CYRIB: variants seen among roughly 807,000 people sequenced by gnomAD.
CYRIB encodes CYFIP-related Rac1 interactor B.
In CYRIB, 8 loss-of-function variants were observed where a neutral mutation model predicts 44.2. That is an observed-to-expected ratio of 0.18 (90% CI 0.11 to 0.33). The LOEUF is 0.33. CYRIB is among the 10% of genes least tolerant of loss of function. The pLI is 1.00. For synonymous variants in CYRIB, 131 were observed against 127.2 expected (o/e 1.03, Z -0.20); for missense variants, 185 against 382.8 (o/e 0.48, Z 4.31).
chr8:129,979,028 C>A (rs370221159), intron 1 of CYRIB, among the ~76,000 whole-genome samples: 10 of 152,170 alleles, frequency 6.6e-5, no homozygotes, highest in African/African-American at 2.4e-4. Flanking sequence ...GTAATCCCAG[C>A]TACTCAGGAG....
chr8:129,854,287 A>T, exon 7 of CYRIB: 1 of 1,611,120 alleles, frequency 6.2e-7, no homozygotes, highest in South Asian at 1.1e-5. Context: ...TAATCCTCAT[A>T]CGACTCAATG....
intron 1 of CYRIB, among the ~76,000 whole-genome samples, chr8:129,910,690 T>A (rs748780419): frequency 3.0e-4 from 46 of 152,226 alleles, no homozygotes; most frequent in South Asian, 2.1e-3. Context: ...CTCAGCTACA[T>A]GTGTGGCTGA....
At chr8:129,929,221 C>T (rs2138055037) in intron 1 of CYRIB, among the ~76,000 whole-genome samples, 1 of 151,702 alleles carries the variant, frequency 6.6e-6, no homozygotes, top group East Asian at 1.9e-4. Context: ...AAAGAATAAT[C>T]AAGCAAAAGT....
At chr8:129,915,143 C>T (rs1336900826) in intron 1 of CYRIB, among the ~76,000 whole-genome samples, 1 of 152,194 alleles carries the variant, frequency 6.6e-6, no homozygotes, top group Admixed American at 6.5e-5. Flanking sequence ...TCTACGTATT[C>T]ATCCAAGAAA....
chr8:129,846,793 C>A lies in CYRIB; in HGVS notation c.911+11G>T, dbSNP rs1409142884. 6.3e-7 allele frequency: 1 copy of A among 1,581,598 alleles called. No homozygotes were observed. The highest frequency in any genetic ancestry group is 8.6e-7 in the Non-Finnish European group (1 of 1,167,960). On this transcript the variant is annotated intron_variant, in intron 11 of 11. Coordinates refer to ENST00000519824, the Ensembl canonical transcript of CYRIB. ...TTTTTTCTGTACATACGTACACGTACATATACACACCTGAGAGCATTTAGA... is the reference window on the plus strand; with the variant it reads ...TTTTTTCTGTACATACGTACACGTAAATATACACACCTGAGAGCATTTAGA...
At chr8:129,943,651 T>C (rs1281499269), upstream of CYRIB, among the ~76,000 whole-genome samples, 19 of 110,884 alleles carry the variant, frequency 1.7e-4, no homozygotes, top group Middle Eastern at 0.019. Flanking sequence ...CAGGCGGGAG[T>C]GCAGTGGCGC....
chr8:129,972,546 G>T (rs1211453351), intron 1 of CYRIB, among the ~76,000 whole-genome samples: 4 of 152,096 alleles, frequency 2.6e-5, no homozygotes, highest in African/African-American at 9.7e-5. Context: ...CTGTGCTCCA[G>T]CCTGGGTGAC....
intron 1 of CYRIB, among the ~76,000 whole-genome samples, chr8:130,009,818 G>A (rs1015717282): frequency 2.6e-5 from 4 of 152,200 alleles, no homozygotes; most frequent in African/African-American, 9.7e-5. Context: ...TTCTGGTTCT[G>A]CAGTGGGATG....
intron 1 of CYRIB, among the ~76,000 whole-genome samples, chr8:129,971,276 A>C (rs1219477089): frequency 1.3e-5 from 2 of 152,106 alleles, no homozygotes; most frequent in Non-Finnish European, 2.9e-5. Context: ...TATTTTTAGT[A>C]GAGACAGGGT....
rs550951825 is a variant in CYRIB, at chr8:129,911,946, G to A, written c.-49-8596C>T. ...CTGTAAAATGCATTTTTGATGGCAG[G>A]TGCTGCAATCGTGCTAACCTAAAGA... On this transcript the variant is annotated intron_variant, in intron 1 of 11. Transcript: ENST00000519824. 1.2e-4 allele frequency among the ~76,000 whole-genome samples: 19 copies of A among 152,226 alleles called. No individual in the cohort carries two copies. In the East Asian group the frequency reaches 2.1e-3, roughly 17 times the overall value.
At chr8:129,930,196 G>T (rs1381698148) in intron 1 of CYRIB, among the ~76,000 whole-genome samples, 1 of 151,174 alleles carries the variant, frequency 6.6e-6, no homozygotes, top group Non-Finnish European at 1.5e-5. Flanking sequence ...GAGTGACAGA[G>T]CGAGACTCTG....
chr8:129,990,552 G>T (rs1363368078), intron 1 of CYRIB, among the ~76,000 whole-genome samples: 3 of 151,594 alleles, frequency 2.0e-5, no homozygotes, highest in East Asian at 1.9e-4. Context: ...CCAAGACAGG[G>T]TTTCACTCTG....
intron 1 of CYRIB, chr8:130,008,340 G>A (rs1331243834): frequency 1.9e-5 from 3 of 154,326 alleles, no homozygotes; most frequent in African/African-American, 7.2e-5. Context: ...GTCATTCATG[G>A]TGTCTGGTGA....
chr8:129,883,112 CAAAAAA>C (rs34764499), intron 2 of CYRIB, among the ~76,000 whole-genome samples: 31 of 41,256 alleles, frequency 7.5e-4, no homozygotes, highest in African/African-American at 2.4e-3. Context: ...GACTCCCTCT[CAAAAAA>C]AAAAAAAAAA....
intron 7 of CYRIB, among the ~76,000 whole-genome samples, chr8:129,853,670 A>G (rs193077084): frequency 6.6e-6 from 1 of 152,362 alleles, no homozygotes; most frequent in Admixed American, 6.5e-5. Context: ...AGAAAAGAGT[A>G]ATAAACAGCT....
intron 4 of CYRIB, among the ~76,000 whole-genome samples, chr8:129,869,317 A>T (rs2055824208): frequency 7.5e-6 from 1 of 133,876 alleles, no homozygotes; most frequent in African/African-American, 2.7e-5. Flanking sequence ...TGGGAGGTGG[A>T]GGTTGCTGAG....
chr8:129,935,349 G>T (rs902997467), intron 1 of CYRIB, among the ~76,000 whole-genome samples: 1 of 152,114 alleles, frequency 6.6e-6, no homozygotes, highest in Non-Finnish European at 1.5e-5. Flanking sequence ...ATTTTTCCAC[G>T]GACAGGGCGA....
intron 4 of CYRIB, among the ~76,000 whole-genome samples, chr8:129,870,808 C>T (rs1409465469): frequency 6.6e-6 from 1 of 151,126 alleles, no homozygotes; most frequent in East Asian, 1.9e-4. Context: ...GGGAAGAATT[C>T]AGTAAAAGAA....
In CYRIB at chr8:129,850,958, G is replaced by A. The variant is rs756471956; in HGVS notation, c.634-44C>T. ...AACAAAAAAAGTAAAAGTAACAAAC[G>A]TTATTACTTAAGCACAATTTAAAAT... On this transcript the variant is annotated intron_variant, in intron 8 of 11. Coordinates refer to ENST00000519824, the Ensembl canonical transcript of CYRIB. 1.5e-5 allele frequency: 19 copies of A among 1,230,650 alleles called. 1 individual carries two copies. Among genetic ancestry groups the A allele is most frequent in the Admixed American group, 1.8e-5 (1 of 56,004 alleles). The allele number at this position is 1,230,650 out of a possible 1,614,324, so 76.2% of individuals were successfully genotyped here. A position where few individuals can be genotyped will look rare whatever the true frequency, so the allele number is the denominator to read the frequency against.
Sources: allele counts gnomAD v4.1 joint callset (sites outside exome capture counted in the v4.1 genomes callset), GRCh38; gene constraint gnomAD v4.1.1; transcripts MANE v1.5; gene names NCBI Gene and HGNC (gene_info 2026-07-23, HGNC 2026-07-21).